GPC5: variants seen among roughly 807,000 people sequenced by gnomAD.
GPC5 encodes the protein glypican 5.
GPC5 carries 47 observed loss-of-function variants against 53.9 expected under a neutral mutation model. That is an observed-to-expected ratio of 0.87 (90% CI 0.69 to 1.11). The LOEUF (loss-of-function observed/expected upper bound fraction) is 1.11. Ranked by LOEUF, GPC5 falls within the 50% of genes most tolerant of loss-of-function variation. The pLI is 0.00. For missense variants in GPC5, 748 were observed against 713.1 expected (o/e 1.05, Z -0.56); for synonymous variants, 286 against 263.3 (o/e 1.09, Z -0.84).
At chr13:92,407,319 A>G (rs1294008593) in intron 7 of GPC5, among the ~76,000 whole-genome samples, 1 of 152,212 alleles carries the variant, frequency 6.6e-6, no homozygotes. Flanking sequence ...CTTTCTTTAA[A>G]GGAAAAGCCA....
chr13:92,155,827 C>T (rs1193204146), intron 7 of GPC5, among the ~76,000 whole-genome samples: 2 of 152,046 alleles, frequency 1.3e-5, no homozygotes, highest in Non-Finnish European at 2.9e-5. Context: ...TCTTGTATCC[C>T]ATGCTTACTG....
chr13:92,533,150 A>G (rs1486444439), intron 7 of GPC5, among the ~76,000 whole-genome samples: 1 of 152,158 alleles, frequency 6.6e-6, no homozygotes, highest in African/African-American at 2.4e-5. Context: ...ATCCAATGGG[A>G]AAAACAATTT....
At chr13:92,843,720 C>T (rs1211544513) in intron 7 of GPC5, among the ~76,000 whole-genome samples, 1 of 152,148 alleles carries the variant, frequency 6.6e-6, no homozygotes, top group Non-Finnish European at 1.5e-5. Flanking sequence ...ACTATATGTG[C>T]ATGACATTGT....
chr13:91,401,097 G>T (rs1876917838), intron 1 of GPC5, among the ~76,000 whole-genome samples: 1 of 152,170 alleles, frequency 6.6e-6, no homozygotes, highest in African/African-American at 2.4e-5. Context: ...GAAAAGAAAT[G>T]CTAAGTTCCT....
At chr13:92,462,354 C>T (rs530880607) in intron 7 of GPC5, among the ~76,000 whole-genome samples, 1 of 152,078 alleles carries the variant, frequency 6.6e-6, no homozygotes, top group South Asian at 2.1e-4. Context: ...GATTAGAATC[C>T]AGGTCTGTTT....
intron 7 of GPC5, among the ~76,000 whole-genome samples, chr13:92,167,083 AT>A (rs1335119293): frequency 2.0e-5 from 3 of 151,838 alleles, no homozygotes; most frequent in African/African-American, 7.3e-5. Flanking sequence ...GTAAATAAGG[AT>A]TTTACATTTT....
At chr13:92,382,006 A>G (rs568796552) in intron 7 of GPC5, among the ~76,000 whole-genome samples, 1 of 142,966 alleles carries the variant, frequency 7.0e-6, no homozygotes, top group African/African-American at 2.6e-5. Context: ...ATCTATCTAT[A>G]TATCTATCTG....
chr13:92,210,785 T>C (rs2042369532), intron 7 of GPC5, among the ~76,000 whole-genome samples: 1 of 152,230 alleles, frequency 6.6e-6, no homozygotes, highest in African/African-American at 2.4e-5. Flanking sequence ...ATTATTCCTC[T>C]TGACTATAGT....
At chr13:92,787,139 A>G (rs1876266820) in intron 7 of GPC5, among the ~76,000 whole-genome samples, 1 of 152,198 alleles carries the variant, frequency 6.6e-6, no homozygotes, top group Non-Finnish European at 1.5e-5. Flanking sequence ...ATAGGTCCAC[A>G]GAAAGAATAC....
At chr13:92,551,709 C>G (rs1882322978) in intron 7 of GPC5, among the ~76,000 whole-genome samples, 1 of 151,668 alleles carries the variant, frequency 6.6e-6, no homozygotes, top group South Asian at 2.1e-4. Flanking sequence ...TATTGAGAAA[C>G]AGTAGGAGGT....
chr13:91,599,211 C>A (rs148635048), intron 2 of GPC5, among the ~76,000 whole-genome samples: 2 of 152,158 alleles, frequency 1.3e-5, no homozygotes, highest in Non-Finnish European at 2.9e-5. Context: ...ATTATCCTTG[C>A]AGAGATACTA....
chr13:92,328,327 G>A (rs1030352208), intron 7 of GPC5, among the ~76,000 whole-genome samples: 4 of 152,064 alleles, frequency 2.6e-5, no homozygotes, highest in Non-Finnish European at 5.9e-5. Context: ...AACCAGATAG[G>A]GAGTTCCCAA....
chr13:92,464,966 T>C (rs1456829848), intron 7 of GPC5, among the ~76,000 whole-genome samples: 1 of 151,658 alleles, frequency 6.6e-6, no homozygotes, highest in Non-Finnish European at 1.5e-5. Flanking sequence ...CTAAACATAA[T>C]GAAAGAAGAA....
chr13:91,845,189 TTA>T (rs1260656779), intron 5 of GPC5, among the ~76,000 whole-genome samples: 8 of 134,270 alleles, frequency 6.0e-5, no homozygotes, highest in African/African-American at 2.0e-4. Context: ...CTGAGATTCT[TTA>T]TGTTTCTATT....
At chr13:92,498,013 A>G (rs921584846) in intron 7 of GPC5, among the ~76,000 whole-genome samples, 3 of 152,076 alleles carry the variant, frequency 2.0e-5, no homozygotes, top group African/African-American at 7.2e-5. Flanking sequence ...GGTTTTCTAA[A>G]TATAAAATCA....
chr13:91,886,344 A>G (rs1019753127), intron 5 of GPC5, among the ~76,000 whole-genome samples: 9 of 152,172 alleles, frequency 5.9e-5, no homozygotes, highest in Admixed American at 3.3e-4. Flanking sequence ...GGCCTCTCCC[A>G]TGACATGTGG....
At chr13:91,550,763 G>A (rs956302615) in intron 2 of GPC5, among the ~76,000 whole-genome samples, 3 of 152,046 alleles carry the variant, frequency 2.0e-5, no homozygotes, top group Non-Finnish European at 4.4e-5. Context: ...CAAGGGTGGG[G>A]CCAGAGGGAG....
chr13:92,634,092 C>T (rs1885340898), intron 7 of GPC5, among the ~76,000 whole-genome samples: 1 of 149,830 alleles, frequency 6.7e-6, no homozygotes, highest in Non-Finnish European at 1.5e-5. Flanking sequence ...CACATTGTTG[C>T]CATGAATCTC....
chr13:92,669,888 C>A (rs1886689907), intron 7 of GPC5, among the ~76,000 whole-genome samples: 1 of 152,178 alleles, frequency 6.6e-6, no homozygotes, highest in African/African-American at 2.4e-5. Flanking sequence ...TAGAGTGACA[C>A]CTCTGGGACA....
Sources: allele counts gnomAD v4.1 joint callset (sites outside exome capture counted in the v4.1 genomes callset), GRCh38; gene constraint gnomAD v4.1.1; transcripts MANE v1.5; gene names NCBI Gene and HGNC (gene_info 2026-07-23, HGNC 2026-07-21).